The following ZSCAN5A variants were observed in gnomAD, a reference collection of about 807,000 sequenced individuals.
The protein encoded by ZSCAN5A is zinc finger and SCAN domain containing 5A, also known as zinc finger and SCAN domain-containing protein 5A.
A neutral mutation model predicts 23.7 loss-of-function variants in ZSCAN5A; 12 were observed. The observed-to-expected ratio is 0.51, with a 90% CI of 0.32 to 0.82. The LOEUF (loss-of-function observed/expected upper bound fraction) is 0.82, where lower values mean the gene tolerates loss of function less well. ZSCAN5A is among the 40% of genes least tolerant of loss of function. The pLI is 0.03. For missense variants in ZSCAN5A, 597 were observed against 617.9 expected (o/e 0.97, Z 0.36); for synonymous variants, 257 against 239.9 (o/e 1.07, Z -0.66).
chr19:56,345,005 C>T (rs1300305708), intron 2 of ZSCAN5A, among the ~76,000 whole-genome samples: 6 of 148,222 alleles, frequency 4.0e-5, no homozygotes, highest in East Asian at 2.0e-4. Context: ...CTCGGGAGGC[C>T]GAGGCAGGAG....
chr19:56,285,172 A>G (rs2039011887), intron 2 of ZSCAN5A: 4 of 250,032 alleles, frequency 1.6e-5, no homozygotes, highest in Non-Finnish European at 2.5e-5. Context: ...ACTTTGATGT[A>G]ATGAAAATCT....
intron 2 of ZSCAN5A, among the ~76,000 whole-genome samples, chr19:56,238,562 G>A (rs1309531400): frequency 6.6e-6 from 1 of 152,144 alleles, no homozygotes; most frequent in South Asian, 2.1e-4. Context: ...CTTGAGCCCA[G>A]GGGTTCAAGG....
intron 2 of ZSCAN5A, among the ~76,000 whole-genome samples, chr19:56,254,216 CATT>C (rs1440678666): frequency 2.1e-5 from 3 of 143,456 alleles, no homozygotes; most frequent in South Asian, 2.3e-4. Flanking sequence ...TTATACAAAT[CATT>C]GTTGTTGGTC....
intron 2 of ZSCAN5A, among the ~76,000 whole-genome samples, chr19:56,242,975 C>T (rs1271498337): frequency 6.6e-6 from 1 of 152,120 alleles, no homozygotes; most frequent in Non-Finnish European, 1.5e-5. Flanking sequence ...GACGAAGTTT[C>T]ACCATCTTGG....
intron 2 of ZSCAN5A, chr19:56,244,376 T>C: frequency 2.6e-6 from 4 of 1,568,096 alleles, no homozygotes; most frequent in Non-Finnish European, 3.4e-6. Flanking sequence ...TGTGCAGAGC[T>C]GCAAAGACCT....
rs944462226 is a variant in ZSCAN5A at position 56,321,376 on chromosome 19, G to A, written c.-357-5108C>T. On this transcript the variant is annotated intron_variant, in intron 2 of 6. Coordinates refer to the ZSCAN5A transcript ENST00000587340. Reference sequence around the variant, plus strand: ...CATCACAATGTGGACACCAGCAGTTGGCTGGCAGATAGCTGCAGCATCCTT... The same window carrying A: ...CATCACAATGTGGACACCAGCAGTTAGCTGGCAGATAGCTGCAGCATCCTT... 3.0e-5 allele frequency: 19 copies of A among 642,268 alleles called. No individual in the cohort carries two copies. In the East Asian group the frequency reaches 5.0e-4, roughly 17 times the overall value. 39.8% of individuals were successfully genotyped at this position (642,268 alleles called of 1,614,324 possible). A position where few individuals can be genotyped will look rare whatever the true frequency, so the allele number is the denominator to read the frequency against.
chr19:56,310,630 C>A (rs2040978834), intron 2 of ZSCAN5A, among the ~76,000 whole-genome samples: 1 of 152,286 alleles, frequency 6.6e-6, no homozygotes. Flanking sequence ...GAGATTTGAC[C>A]CAGTTGGACT....
At chr19:56,283,695 G>C (rs1427010239) in intron 2 of ZSCAN5A, 2 of 152,218 alleles carry the variant, frequency 1.3e-5, no homozygotes, top group Admixed American at 1.3e-4. Flanking sequence ...AGAGATCTGA[G>C]TTTGAGTTCC....
intron 2 of ZSCAN5A, among the ~76,000 whole-genome samples, chr19:56,261,059 T>C (rs557339564): frequency 1.1e-4 from 17 of 151,988 alleles, no homozygotes; most frequent in Admixed American, 9.2e-4. Context: ...AATACAAAAA[T>C]TAGCCAGGTG....
intron 2 of ZSCAN5A, among the ~76,000 whole-genome samples, chr19:56,336,769 A>T (rs1052056970): frequency 9.9e-5 from 15 of 152,054 alleles, no homozygotes; most frequent in African/African-American, 3.4e-4. Flanking sequence ...TTTGGTGTGG[A>T]TGTCCTTTCT....
intron 2 of ZSCAN5A, among the ~76,000 whole-genome samples, chr19:56,322,681 G>A (rs928111543): frequency 6.6e-6 from 1 of 152,040 alleles, no homozygotes; most frequent in Admixed American, 6.6e-5. Flanking sequence ...GTCTGTAGGG[G>A]ATTAGTTCTA....
chr19:56,331,226 G>T (rs968684688), intron 2 of ZSCAN5A, among the ~76,000 whole-genome samples: 3 of 152,144 alleles, frequency 2.0e-5, no homozygotes, highest in African/African-American at 7.2e-5. Flanking sequence ...GTCAAGTAAT[G>T]TGATGCTTCC....
chr19:56,281,864 T>C (rs2038734794), intron 2 of ZSCAN5A, among the ~76,000 whole-genome samples: 2 of 152,176 alleles, frequency 1.3e-5, no homozygotes, highest in African/African-American at 4.8e-5. Flanking sequence ...AATCTGCAGA[T>C]TGCCCGGGGT....
At chr19:56,281,186 T>C (rs1056851790) in intron 2 of ZSCAN5A, among the ~76,000 whole-genome samples, 4 of 152,170 alleles carry the variant, frequency 2.6e-5, no homozygotes, top group African/African-American at 9.7e-5. Flanking sequence ...TGGATCATTA[T>C]CAAGGTCTTC....
chr19:56,272,578 C>T (rs1304922902), intron 2 of ZSCAN5A, among the ~76,000 whole-genome samples: 1 of 152,204 alleles, frequency 6.6e-6, no homozygotes, highest in Non-Finnish European at 1.5e-5. Flanking sequence ...ATTTGGCCAG[C>T]AGATCATAGG....
intron 2 of ZSCAN5A, among the ~76,000 whole-genome samples, chr19:56,271,658 T>C (rs2037858115): frequency 6.6e-6 from 1 of 152,290 alleles, no homozygotes. Context: ...GAAACATAGA[T>C]AGCACCAGAG....
chr19:56,353,137 C>G (rs2041678120), intron 2 of ZSCAN5A, among the ~76,000 whole-genome samples: 1 of 152,194 alleles, frequency 6.6e-6, no homozygotes. Flanking sequence ...AAGGCACATA[C>G]ATATGCCTGA....
chr19:56,221,951 A>G lies in ZSCAN5A; in HGVS notation c.1115T>C (p.Val372Ala), dbSNP rs1268836925. Residue 372 changes from valine to alanine, a missense_variant, in exon 6 of 6, where the codon GTC becomes GCC. By Grantham distance (64) the Val-to-Ala change is moderately conservative. This residue lies in a region of ZSCAN5A where 406 missense variants were observed against 353.2 expected (regional missense o/e 1.15). Transcript: ENST00000683990. ...GCCTGTGTGTGATCTCTTGTGGATGACTAGCTTGGAATTACACGTAAACCT... is the reference window on the plus strand; with the variant it reads ...GCCTGTGTGTGATCTCTTGTGGATGGCTAGCTTGGAATTACACGTAAACCT... ...EKRFTCNSKL[V>A]IHKRSHTGER... is the part of the protein sequence containing the mutation. 1.5e-5 allele frequency: 25 copies of G among 1,613,958 alleles called. No individual in the cohort carries two copies. The highest frequency in any genetic ancestry group is 4.5e-5 in the East Asian group (2 of 44,862).
chr19:56,244,842 G>A (rs546030900), intron 2 of ZSCAN5A, among the ~76,000 whole-genome samples: 157 of 151,542 alleles, frequency 1.0e-3, no homozygotes, highest in Non-Finnish European at 1.1e-3. Context: ...GAACTGAAGC[G>A]GGGCCCAGGA....
Sources: gnomAD v4.1 joint callset for allele counts (sites outside exome capture counted in the v4.1 genomes callset) on GRCh38, gnomAD v4.1.1 for gene constraint, gnomAD v4.1.1 regional missense constraint, MANE v1.5 for transcripts, NCBI Gene and HGNC (gene_info 2026-07-23, HGNC 2026-07-21) for gene names.